The following CLNK variants were observed in gnomAD, a reference collection of about 807,000 sequenced individuals.
The protein encoded by CLNK is cytokine dependent hematopoietic cell linker.
Under a neutral mutation model 68.6 loss-of-function variants are expected in CLNK, and 74 were observed. The ratio of observed to expected loss-of-function variants is 1.08; its 90% CI spans 0.89 to 1.31. The LOEUF (loss-of-function observed/expected upper bound fraction) is 1.31, where lower values mean the gene tolerates loss of function less well. CLNK is among the 50% of genes most tolerant of loss of function. The pLI is 0.00. For synonymous variants in CLNK, 198 were observed against 172.2 expected, an observed-to-expected ratio of 1.15 and a Z score of -1.17; for missense variants, 553 against 515.3, an observed-to-expected ratio of 1.07 and a Z score of -0.71.
At chr4:10,586,961 T>TC (rs1454362260) in intron 3 of CLNK, among the ~76,000 whole-genome samples, 12 of 151,956 alleles carry the variant, frequency 7.9e-5, no homozygotes, top group Admixed American at 7.2e-4. Context: ...CCCATTTTTT[T>TC]TCTTTTTTTT....
intron 8 of CLNK, among the ~76,000 whole-genome samples, chr4:10,553,703 C>T (rs1719555613): frequency 6.6e-6 from 1 of 152,218 alleles, no homozygotes; most frequent in Admixed American, 6.5e-5. Flanking sequence ...ATCCGCCTGC[C>T]TCGACCTCCC....
chr4:10,537,745 T>TTCTTTCTTTCTTTCTTTCTTTC (rs372646660), intron 11 of CLNK, among the ~76,000 whole-genome samples: 1 of 37,164 alleles, frequency 2.7e-5, no homozygotes, highest in Admixed American at 2.6e-4. Context: ...CTTCCTTTCT[T>TTCTTTCTTTCTTTCTTTCTTTC]TTTCTTTCTT....
chr4:10,643,272 T>C (rs1346808023), intron 2 of CLNK, among the ~76,000 whole-genome samples: 2 of 152,222 alleles, frequency 1.3e-5, no homozygotes, highest in African/African-American at 4.8e-5. Flanking sequence ...ATCTTCAGTT[T>C]CTGTTCAACT....
At chr4:10,502,085 A>G (rs577819933) in intron 17 of CLNK, among the ~76,000 whole-genome samples, 89 of 152,300 alleles carry the variant, frequency 5.8e-4, no homozygotes, top group African/African-American at 2.1e-3. Context: ...CCAAGCCACC[A>G]TTTCCCAAAG....
At chr4:10,575,446 C>G (rs953764002) in intron 4 of CLNK, among the ~76,000 whole-genome samples, 1 of 152,376 alleles carries the variant, frequency 6.6e-6, no homozygotes, top group East Asian at 1.9e-4. Flanking sequence ...TCCCTGACTA[C>G]CGGTGTCAAG....
intron 2 of CLNK, among the ~76,000 whole-genome samples, chr4:10,603,525 G>T (rs1362339653): frequency 6.6e-6 from 1 of 152,194 alleles, no homozygotes; most frequent in African/African-American, 2.4e-5. Flanking sequence ...GGGCTCCTGA[G>T]GAAGCAGACT....
chr4:10,638,753 C>T (rs1430916222), intron 2 of CLNK, among the ~76,000 whole-genome samples: 1 of 152,132 alleles, frequency 6.6e-6, no homozygotes, highest in East Asian at 1.9e-4. Context: ...GAACCACAGA[C>T]TGGGTGGCTT....
At chr4:10,596,265 TCC>T (rs1721380986) in intron 3 of CLNK, among the ~76,000 whole-genome samples, 3 of 152,186 alleles carry the variant, frequency 2.0e-5, no homozygotes, top group Non-Finnish European at 4.4e-5. Flanking sequence ...CCTCAGGTGA[TCC>T]GCCTGCCTCA....
At chr4:10,595,308 T>A (rs544284982) in intron 3 of CLNK, among the ~76,000 whole-genome samples, 2 of 152,194 alleles carry the variant, frequency 1.3e-5, no homozygotes, top group Non-Finnish European at 2.9e-5. Flanking sequence ...CTGGTGCATA[T>A]TGGGTGCTCA....
At chr4:10,700,043 A>G in the CLNK span, among the ~76,000 whole-genome samples, 1 of 91,598 alleles carries the variant, frequency 1.1e-5, no homozygotes, top group South Asian at 4.5e-4. Context: ...TATATTTCCT[A>G]TTGGCTCTGT....
At chr4:10,607,409 C>T (rs1421542369) in intron 2 of CLNK, among the ~76,000 whole-genome samples, 1 of 152,194 alleles carries the variant, frequency 6.6e-6, no homozygotes, top group African/African-American at 2.4e-5. Context: ...TGGGTTGTTT[C>T]AATGAACGCA....
intron 15 of CLNK, among the ~76,000 whole-genome samples, chr4:10,518,943 AG>A (rs1178814015): frequency 6.6e-6 from 1 of 152,242 alleles, no homozygotes; most frequent in Admixed American, 6.5e-5. Context: ...CATACCCAGT[AG>A]AATGAGTATC....
intron 7 of CLNK, among the ~76,000 whole-genome samples, chr4:10,563,515 G>A (rs986006676): frequency 2.6e-5 from 4 of 152,196 alleles, no homozygotes; most frequent in Admixed American, 2.0e-4. Flanking sequence ...TTTATCACAT[G>A]AGAAATTGTT....
intron 2 of CLNK, among the ~76,000 whole-genome samples, chr4:10,612,701 G>T (rs964551518): frequency 1.5e-4 from 23 of 152,124 alleles, no homozygotes; most frequent in African/African-American, 5.6e-4. Context: ...TGAGCTCTGG[G>T]GTGTGGCAGA....
chr4:10,501,654 C>T (rs912619427), intron 17 of CLNK, among the ~76,000 whole-genome samples: 4 of 152,182 alleles, frequency 2.6e-5, no homozygotes, highest in East Asian at 1.9e-4. Context: ...AGGCCAGGTG[C>T]GGTGGCTCAC....
the CLNK span, among the ~76,000 whole-genome samples, chr4:10,693,145 T>A: frequency 1.1e-4 from 17 of 152,320 alleles, no homozygotes; most frequent in African/African-American, 4.1e-4. Context: ...GAGCCTTGTA[T>A]AAGGAGCCTG....
intron 17 of CLNK, among the ~76,000 whole-genome samples, chr4:10,507,094 CG>C (rs1717330405): frequency 6.6e-6 from 1 of 150,916 alleles, no homozygotes; most frequent in Non-Finnish European, 1.5e-5. Context: ...CATGAGCCAC[CG>C]CGTCCGGCTG....
intron 4 of CLNK, among the ~76,000 whole-genome samples, chr4:10,583,468 G>A (rs1720861512): frequency 1.3e-5 from 2 of 152,002 alleles, no homozygotes; most frequent in African/African-American, 2.4e-5. Flanking sequence ...AGTATTTTTA[G>A]TAGAGATAGT....
intron 16 of CLNK, among the ~76,000 whole-genome samples, chr4:10,508,680 C>A (rs1384345265): frequency 6.6e-6 from 1 of 152,128 alleles, no homozygotes; most frequent in Admixed American, 6.6e-5. Flanking sequence ...ATTAAATAAC[C>A]CCCCTTGTGA....
Sources: gnomAD v4.1 joint callset for allele counts (sites outside exome capture counted in the v4.1 genomes callset) on GRCh38, gnomAD v4.1.1 for gene constraint, MANE v1.5 for transcripts, NCBI Gene and HGNC (gene_info 2026-07-23, HGNC 2026-07-21) for gene names.